The following SLC6A17 variants were observed in gnomAD, a reference collection of about 807,000 sequenced individuals.
SLC6A17 encodes the protein sodium-dependent neutral amino acid transporter SLC6A17.
In SLC6A17, 21 loss-of-function variants were observed where a neutral mutation model predicts 64.5. The ratio of observed to expected loss-of-function variants is 0.33; its 90% CI spans 0.23 to 0.47. The LOEUF (loss-of-function observed/expected upper bound fraction) is 0.47, where lower values mean the gene tolerates loss of function less well. SLC6A17 is among the 20% of genes least tolerant of loss of function. The pLI, the probability that SLC6A17 is intolerant of heterozygous loss-of-function variation, is 1.00. For missense variants in SLC6A17, 682 were observed against 963.2 expected, an observed-to-expected ratio of 0.71 and a Z score of 3.86; for synonymous variants, 372 against 399.5, an observed-to-expected ratio of 0.93 and a Z score of 0.82.
intron 4 of SLC6A17, among the ~76,000 whole-genome samples, chr1:110,174,486 T>TTAGGCCA (rs1656319315): frequency 6.6e-6 from 1 of 152,140 alleles, no homozygotes; most frequent in African/African-American, 2.4e-5. Context: ...CCGAGGAACT[T>TTAGGCCA]TAGGCCAATT....
chr1:110,197,342 G>T, intron 10 of SLC6A17, 95 bp from the exon 11 acceptor site: 1 of 1,489,758 alleles, frequency 6.7e-7, no homozygotes, highest in South Asian at 1.3e-5. Flanking sequence ...GGGAGGGACT[G>T]GGAAACGAAG....
chr1:110,154,961 A>G (rs1169560993), intron 1 of SLC6A17, among the ~76,000 whole-genome samples: 1 of 151,764 alleles, frequency 6.6e-6, no homozygotes, highest in Non-Finnish European at 1.5e-5. Flanking sequence ...CTTTCTCCTC[A>G]CTCCAAAACT....
intron 2 of SLC6A17, among the ~76,000 whole-genome samples, chr1:110,170,410 G>T (rs1037649234): frequency 1.3e-5 from 2 of 152,192 alleles, no homozygotes; most frequent in Non-Finnish European, 1.5e-5. Flanking sequence ...TGTGAACCCG[G>T]GAGGCAGAGC....
At chr1:110,169,549 A>T (rs963555562) in intron 2 of SLC6A17, among the ~76,000 whole-genome samples, 2 of 152,252 alleles carry the variant, frequency 1.3e-5, no homozygotes, top group Middle Eastern at 3.4e-3. Context: ...GGCTCTTACC[A>T]CCAAGATGGT....
At chr1:110,169,804 A>G (rs1161918945) in intron 2 of SLC6A17, among the ~76,000 whole-genome samples, 1 of 152,254 alleles carries the variant, frequency 6.6e-6, no homozygotes, top group Non-Finnish European at 1.5e-5. Context: ...TCTAAGGCGG[A>G]AGAGGATGCT....
At chr1:110,188,185 A>T (rs1330132701) in intron 6 of SLC6A17, among the ~76,000 whole-genome samples, 2 of 152,230 alleles carry the variant, frequency 1.3e-5, no homozygotes, top group East Asian at 3.8e-4. Context: ...GCATCACATT[A>T]CCTTTCTAAA....
intron 3 of SLC6A17, among the ~76,000 whole-genome samples, chr1:110,173,252 C>A (rs1012587921): frequency 7.2e-5 from 11 of 152,232 alleles, no homozygotes; most frequent in Non-Finnish European, 1.6e-4. Context: ...ACTGATGAAG[C>A]AAGCGGCCCT....
intron 10 of SLC6A17, 27 bp from the exon 11 acceptor site, chr1:110,197,409 CT>C: frequency 6.3e-7 from 1 of 1,593,028 alleles, no homozygotes; most frequent in Non-Finnish European, 8.6e-7. Flanking sequence ...GGGATGCCAA[CT>C]GCTGGACCCT....
intron 6 of SLC6A17, among the ~76,000 whole-genome samples, chr1:110,182,821 A>G (rs1158232898): frequency 2.0e-5 from 3 of 152,152 alleles, no homozygotes; most frequent in Admixed American, 2.0e-4. Flanking sequence ...TGGAGTGCTG[A>G]GGACAAATCT....
chr1:110,184,845 A>AG (rs1349060821), intron 6 of SLC6A17, among the ~76,000 whole-genome samples: 6 of 152,178 alleles, frequency 3.9e-5, no homozygotes, highest in Non-Finnish European at 8.8e-5. Flanking sequence ...AAAATATCAC[A>AG]GGGGGGTACA....
chr1:110,152,183 A>G lies in SLC6A17; in HGVS notation c.-88+1300A>G, dbSNP rs141840571. Among the ~76,000 whole-genome samples, 585 of 152,314 alleles carry G rather than the reference A, an allele frequency of 3.8e-3. 12 individuals carry two copies. Among genetic ancestry groups the G allele is most frequent in the Non-Finnish European group, 6.2e-4 (42 of 68,024 alleles). On this transcript the variant is annotated intron_variant, in intron 1 of 11. Transcript: ENST00000331565. ...AGGCGGACCCATCACCTGGGCAGGA[A>G]GAGCTTTGAGGTCACACCTGATTGT...
intron 6 of SLC6A17, 131 bp downstream of exon 6, chr1:110,176,870 G>A: frequency 1.3e-6 from 1 of 787,514 alleles, no homozygotes; most frequent in South Asian, 1.8e-5. Context: ...ACCAGGCCCT[G>A]GAGAGATGCA....
intron 9 of SLC6A17, 42 bp downstream of exon 9, chr1:110,194,813 C>T: frequency 6.2e-7 from 1 of 1,603,936 alleles, no homozygotes; most frequent in Non-Finnish European, 8.5e-7. Context: ...TGCAGGCTGC[C>T]CTTGTGGACA....
In SLC6A17 at chr1:110,192,562, T is replaced by C; in HGVS notation, c.1163T>C (p.Ile388Thr). 1.2e-6 allele frequency: 2 copies of C among 1,614,076 alleles called. No individual in the cohort carries two copies. The highest frequency in any genetic ancestry group is 2.2e-5 in the East Asian group (1 of 44,882). Residue 388 changes from isoleucine to threonine, a missense_variant, in exon 8 of 12, where the codon ATC (isoleucine) becomes ACC (threonine). Around this residue, in one of 3 missense-constraint regions of SLC6A17, gnomAD observed 415 missense variants for 603.8 expected, o/e 0.69. Transcript: ENST00000331565. The surrounding 1 kb of genome is among the most constrained non-coding windows in gnomAD (Gnocchi z 4.3). ...ACCAACGTCCTGAGCCGGGACCTCA[T>C]CCCACCCCACGTCAACTTCTCCCAC... ...LNTNVLSRDLIPPHVNFSHLT... is the reference protein window; with the variant it reads ...LNTNVLSRDLTPPHVNFSHLT...
chr1:110,192,810 T>C lies in SLC6A17; in HGVS notation c.1299+112T>C. The C allele has an allele frequency of 8.2e-7, 1 of 1,217,998 alleles. No individual in the cohort carries two copies. Among genetic ancestry groups the C allele is most frequent in the Non-Finnish European group, 1.1e-6 (1 of 888,344 alleles). 75.4% of individuals were successfully genotyped at this position (1,217,998 alleles called of 1,614,324 possible). ...TGCTGACAGGTAGTCATTAGTTTAC[T>C]TGGTAAGCAAGGATCTGCTGTGTGT... On this transcript the variant is annotated intron_variant, in intron 8 of 11. Transcript: ENST00000331565. This position sits in a 1 kb window ranked among gnomAD's most constrained non-coding sequence, Gnocchi z 4.3.
At position 110,162,665 on chromosome 1, in the gene SLC6A17, G is replaced by A. The variant is rs552807474; in HGVS notation, c.-87-4178G>A. Among the ~76,000 whole-genome samples, 452 of 152,328 alleles carry A rather than the reference G, an allele frequency of 3.0e-3. 4 individuals carry two copies. Among genetic ancestry groups the A allele is most frequent in the African/African-American group, 9.9e-3 (411 of 41,562 alleles). On this transcript the variant is annotated intron_variant, in intron 1 of 11. Coordinates refer to ENST00000331565, the MANE Select transcript of SLC6A17 (RefSeq NM_001010898.4). The stretch of plus-strand genomic sequence containing the variant: ...GGTACACTTTGGATTCCCAGGCCCT[G>A]CCTGCTCTAAAAGCTCACCTTTCAC...
chr1:110,154,931 CT>C (rs1655716357), intron 1 of SLC6A17, among the ~76,000 whole-genome samples: 1 of 152,184 alleles, frequency 6.6e-6, no homozygotes, highest in African/African-American at 2.4e-5. Flanking sequence ...TCTTCCTGGT[CT>C]TTTCCCACAG....
At chr1:110,173,899 GGCCT>G in intron 3 of SLC6A17, 70 bp from the exon 4 acceptor site, 7 of 1,530,956 alleles carry the variant, frequency 4.6e-6, no homozygotes, top group East Asian at 2.4e-5. Flanking sequence ...CGACGTGCTG[GGCCT>G]CGGGTGGAGC....
chr1:110,179,391 G>A (rs1037382967), intron 6 of SLC6A17, among the ~76,000 whole-genome samples: 19 of 152,148 alleles, frequency 1.2e-4, no homozygotes, highest in Admixed American at 3.3e-4. Flanking sequence ...ACTCCCACAA[G>A]CTGTACATGA....
Sources: gnomAD v4.1 joint callset for allele counts (sites outside exome capture counted in the v4.1 genomes callset) on GRCh38, gnomAD v4.1.1 for gene constraint, gnomAD v4.1.1 regional missense constraint, Gnocchi (gnomAD v3.1) non-coding constraint, MANE v1.5 for transcripts, NCBI Gene and HGNC (gene_info 2026-07-23, HGNC 2026-07-21) for gene names.